The following ELP3 variants were observed in gnomAD, a reference collection of about 807,000 sequenced individuals.
ELP3 encodes elongator complex protein 3.
Under a neutral mutation model 74.9 loss-of-function variants are expected in ELP3, and 56 were observed. The observed-to-expected ratio is 0.75, with a 90% CI of 0.60 to 0.93. The LOEUF is 0.93. Ranked by LOEUF, ELP3 falls within the 40% of genes least tolerant of loss-of-function variation. The pLI is 0.00. For synonymous variants in ELP3, 222 were observed against 239.8 expected (o/e 0.93, Z 0.68); for missense variants, 573 against 686.5 (o/e 0.83, Z 1.85).
At chr8:28,128,359 C>T (rs1234325375) in intron 7 of ELP3, among the ~76,000 whole-genome samples, 1 of 152,076 alleles carries the variant, frequency 6.6e-6, no homozygotes, top group African/African-American at 2.4e-5. Context: ...ACCTGTAATC[C>T]TAGCTACTCG....
intron 8 of ELP3, among the ~76,000 whole-genome samples, chr8:28,130,870 A>G (rs1812762573): frequency 6.6e-6 from 1 of 152,180 alleles, no homozygotes; most frequent in South Asian, 2.1e-4. Context: ...TAGGAGAGTG[A>G]TAAGAGGTGA....
At chr8:28,106,840 C>A in intron 4 of ELP3, 57 bp downstream of exon 4, 1 of 1,303,586 alleles carries the variant, frequency 7.7e-7, no homozygotes, top group Non-Finnish European at 1.1e-6. Flanking sequence ...TAAATATGCC[C>A]CCTCTAGCCC....
chr8:28,132,492 T>C (rs1812821042), intron 9 of ELP3, 88 bp downstream of exon 9: 1 of 1,550,372 alleles, frequency 6.5e-7, no homozygotes, highest in Non-Finnish European at 8.8e-7. Flanking sequence ...CTGTTGATGT[T>C]TTCCAGTGTT....
intron 14 of ELP3, among the ~76,000 whole-genome samples, chr8:28,175,415 C>A (rs1023970979): frequency 2.6e-5 from 4 of 152,164 alleles, no homozygotes; most frequent in African/African-American, 9.7e-5. Context: ...CCATTGAACA[C>A]CTCTAGTGAA....
chr8:28,119,726 C>G (rs1585664804), intron 7 of ELP3, among the ~76,000 whole-genome samples: 1 of 151,134 alleles, frequency 6.6e-6, no homozygotes, highest in South Asian at 2.1e-4. Flanking sequence ...ACCGTCATCC[C>G]AGAAAGTTCC....
chr8:28,166,910 C>T (rs2045694), intron 14 of ELP3, among the ~76,000 whole-genome samples: 44,632 of 152,112 alleles, frequency 0.29, 6,957 homozygotes, highest in East Asian at 0.57. Context: ...ACCAGCTATT[C>T]CCCAAGCTCG....
intron 14 of ELP3, among the ~76,000 whole-genome samples, chr8:28,169,557 C>G (rs1814438690): frequency 6.6e-6 from 1 of 152,180 alleles, no homozygotes; most frequent in East Asian, 1.9e-4. Context: ...AGCACAATAG[C>G]TGGGGTTCTA....
At chr8:28,110,527 T>A in intron 6 of ELP3, 89 bp downstream of exon 6, 2 of 1,163,968 alleles carry the variant, frequency 1.7e-6, no homozygotes, top group Admixed American at 2.3e-5. Context: ...GAACCTGAAA[T>A]AAGAATGAAA....
chr8:28,163,917 C>G (rs1814205372), intron 14 of ELP3, among the ~76,000 whole-genome samples: 1 of 152,178 alleles, frequency 6.6e-6, no homozygotes, highest in African/African-American at 2.4e-5. Context: ...ACCATGCTGT[C>G]TTCAGACCAC....
At chr8:28,138,092 C>T (rs1202802146) in intron 10 of ELP3, among the ~76,000 whole-genome samples, 1 of 152,118 alleles carries the variant, frequency 6.6e-6, no homozygotes, top group Non-Finnish European at 1.5e-5. Context: ...TATTTATCTA[C>T]CCATTCATTC....
At chr8:28,135,969 T>C (rs1196029492) in intron 9 of ELP3, among the ~76,000 whole-genome samples, 2 of 151,166 alleles carry the variant, frequency 1.3e-5, no homozygotes, top group Non-Finnish European at 3.0e-5. Flanking sequence ...CCTTTTTTTT[T>C]TTTTTTTCTT....
chr8:28,117,995 T>C (rs1305569099), intron 7 of ELP3, among the ~76,000 whole-genome samples: 1 of 152,228 alleles, frequency 6.6e-6, no homozygotes, highest in Non-Finnish European at 1.5e-5. Context: ...TGCCCTTCTC[T>C]CTCATCCTGC....
At chr8:28,159,114 A>T (rs764351283) in intron 12 of ELP3, among the ~76,000 whole-genome samples, 23 of 152,218 alleles carry the variant, frequency 1.5e-4, no homozygotes, top group Non-Finnish European at 2.1e-4. Context: ...AAATGAATAG[A>T]TCAGCCCTTA....
chr8:28,122,911 G>A lies in ELP3; in HGVS notation c.618-6591G>A, dbSNP rs538051941. 3.3e-5 allele frequency among the ~76,000 whole-genome samples: 5 copies of A among 152,296 alleles called. No individual in the cohort carries two copies. The South Asian group carries it at 1.0e-3, about 32-fold the overall frequency. On this transcript the variant is annotated intron_variant, in intron 7 of 14. Coordinates refer to ENST00000256398, the MANE Select transcript of ELP3 (RefSeq NM_018091.6). ...AGGTGAGGTGGGCGGATCACCTGAG[G>A]TCAGGAGTTCGAGACCAGCCTGGCC...
intron 14 of ELP3, among the ~76,000 whole-genome samples, chr8:28,172,496 A>G (rs2130583144): frequency 6.6e-6 from 1 of 152,192 alleles, no homozygotes; most frequent in South Asian, 2.1e-4. Flanking sequence ...TTGATTTTGT[A>G]TTATGCAACT....
chr8:28,125,978 T>C (rs1812560692), intron 7 of ELP3, among the ~76,000 whole-genome samples: 1 of 152,176 alleles, frequency 6.6e-6, no homozygotes, highest in Non-Finnish European at 1.5e-5. Flanking sequence ...TTCCCAGTTA[T>C]GCCTAATTCA....
At chr8:28,107,473 A>G (rs908790212) in intron 4 of ELP3, among the ~76,000 whole-genome samples, 2 of 152,230 alleles carry the variant, frequency 1.3e-5, no homozygotes, top group African/African-American at 2.4e-5. Flanking sequence ...ATAAAAAATT[A>G]TCCTTATACG....
At chr8:28,180,199 T>C (rs1350500924) in intron 14 of ELP3, among the ~76,000 whole-genome samples, 3 of 148,956 alleles carry the variant, frequency 2.0e-5, no homozygotes, top group Non-Finnish European at 4.5e-5. Flanking sequence ...ATTTGCAGCC[T>C]CTAACACATG....
At chr8:28,140,953 A>T (rs1459529697) in intron 10 of ELP3, among the ~76,000 whole-genome samples, 1 of 152,244 alleles carries the variant, frequency 6.6e-6, no homozygotes, top group East Asian at 1.9e-4. Flanking sequence ...TGTATTAAAC[A>T]GTCGACAAAA....
Sources: gnomAD v4.1 joint callset for allele counts (sites outside exome capture counted in the v4.1 genomes callset) on GRCh38, gnomAD v4.1.1 for gene constraint, MANE v1.5 for transcripts, NCBI Gene and HGNC (gene_info 2026-07-23, HGNC 2026-07-21) for gene names.